The following APOL1 variants were observed in gnomAD, a reference collection of about 807,000 sequenced individuals.
The protein encoded by APOL1 is apolipoprotein L 1.
In APOL1, 17 loss-of-function variants were observed where a neutral mutation model predicts 14.9. The observed-to-expected ratio is 1.14, with a 90% confidence interval of 0.78 to 1.71. The LOEUF is 1.71. Among genes scored for constraint, APOL1 ranks in the 40% most tolerant of loss-of-function variants. The pLI, the probability that APOL1 is intolerant of heterozygous loss-of-function variation, is 0.00. For missense variants in APOL1, 523 were observed against 485.9 expected (o/e 1.08, Z -0.72); for synonymous variants, 195 against 184.8 (o/e 1.05, Z -0.45).
rs2016195378 is a variant in APOL1, at chr22:36,265,160, A to G, written c.324A>G (p.Ala108=). The G allele has an allele frequency of 1.1e-5, 18 of 1,614,104 alleles. No homozygotes were observed. Among genetic ancestry groups the G allele is most frequent in the Non-Finnish European group, 1.4e-5 (17 of 1,180,016 alleles). Residue 108 remains alanine, a synonymous_variant, in exon 6 of 6, where the codon GCA becomes GCG. Transcript: ENST00000397278. ...VAAAELPRNE[A]DELRKALDNL... ...ACCTTTCCTTGTGCAGGAATGAGGCAGATGAGCTCCGTAAAGCTCTGGACA... is the reference window on the plus strand; with the variant it reads ...ACCTTTCCTTGTGCAGGAATGAGGCGGATGAGCTCCGTAAAGCTCTGGACA...
rs760970273 is a variant in APOL1, at chr22:36,265,226, C to T, written c.390C>T (p.His130=). Residue 130 remains histidine, a synonymous_variant, in exon 6 of 6, where the codon CAC becomes CAT. Transcript: ENST00000397278. ...RQMIMKDKNW[H]DKGQQYRNWF... is the part of the protein sequence containing the mutation. ...TGATCATGAAAGACAAAAACTGGCA[C>T]GATAAAGGCCAGCAGTACAGAAACT... The T allele has an allele frequency of 2.3e-5, 37 of 1,614,012 alleles. No individual in the cohort carries two copies. Among genetic ancestry groups the T allele is most frequent in the Admixed American group, 1.5e-4 (9 of 60,004 alleles).
At chr22:36,253,868 G>A in intron 1 of APOL1, 1 of 1,470,920 alleles carries the variant, frequency 6.8e-7, no homozygotes. Context: ...GAAACAGGCT[G>A]TGCTGTGTCC....
chr22:36,261,256 C>G (rs968760782), intron 4 of APOL1, among the ~76,000 whole-genome samples: 1 of 152,230 alleles, frequency 6.6e-6, no homozygotes, highest in African/African-American at 2.4e-5. Context: ...CTTATGGAAG[C>G]TGCCTTTGCA....
chr22:36,254,110 G>A, intron 1 of APOL1: 4 of 1,111,322 alleles, frequency 3.6e-6, no homozygotes, highest in Non-Finnish European at 5.3e-6. Context: ...GAGTCACAAG[G>A]GCAGATGTTG....
At chr22:36,262,161 C>T (rs1399474856) in intron 5 of APOL1, among the ~76,000 whole-genome samples, 1 of 152,142 alleles carries the variant, frequency 6.6e-6, no homozygotes, top group Non-Finnish European at 1.5e-5. Context: ...AGATGGGAGC[C>T]CAGCAGGACT....
chr22:36,262,987 T>G (rs2016123596), intron 5 of APOL1, among the ~76,000 whole-genome samples: 1 of 152,224 alleles, frequency 6.6e-6, no homozygotes, highest in Non-Finnish European at 1.5e-5. Flanking sequence ...TTCAGGTCTT[T>G]TCAGCATTAG....
rs71193213 is a variant in APOL1, at chr22:36,257,696, CGGG to C, written c.187+300_187+302del. The C allele has an allele frequency of 7.2e-3, 1,537 of 212,330 alleles. 47 individuals are homozygous for C. Among genetic ancestry groups the C allele is most frequent in the African/African-American group, 0.065 (1,199 of 18,414 alleles). The allele number at this position is 212,330 out of a possible 1,614,324, so 13.2% of individuals were successfully genotyped here. A position where few individuals can be genotyped will look rare whatever the true frequency, so the allele number is the denominator to read the frequency against. Reference sequence around the variant, plus strand: ...GACATCCTTGGGGAAGTGGAATCAGCGGGGGGGGGGGGGAGTGTGGGGAGAGCA... The same window carrying C: ...GACATCCTTGGGGAAGTGGAATCAGCGGGGGGGGGGAGTGTGGGGAGAGCA... On this transcript the variant is annotated intron_variant, in intron 4 of 5. Coordinates refer to ENST00000397278, the MANE Select transcript of APOL1 (RefSeq NM_003661.4).
intron 4 of APOL1, among the ~76,000 whole-genome samples, chr22:36,259,367 GA>G (rs1419697110): frequency 6.6e-6 from 1 of 152,146 alleles, no homozygotes; most frequent in East Asian, 1.9e-4. Context: ...GAAGGAAAAA[GA>G]AAAAACAAGA....
chr22:36,260,968 CA>C (rs1344355642), intron 4 of APOL1, among the ~76,000 whole-genome samples: 2 of 152,166 alleles, frequency 1.3e-5, no homozygotes, highest in African/African-American at 4.8e-5. Flanking sequence ...GTGTTTGACC[CA>C]ACAGGCATGT....
intron 5 of APOL1, among the ~76,000 whole-genome samples, chr22:36,262,546 A>G (rs564266385): frequency 1.3e-5 from 2 of 152,236 alleles, no homozygotes; most frequent in Non-Finnish European, 2.9e-5. Context: ...GCCTGGAGTC[A>G]GGATGGAGCA....
chr22:36,265,500 G>A lies in APOL1; in HGVS notation c.664G>A (p.Gly222Arg), dbSNP rs749708519. ...GTTGGGAATCACAGCCGCTTTGACCGGGATTACCAGCAGTACCATGGACTA... is the reference window on the plus strand; with the variant it reads ...GTTGGGAATCACAGCCGCTTTGACCAGGATTACCAGCAGTACCATGGACTA... The part of the protein sequence containing the change: ...MELGITAALT[G>R]ITSSTMDYGK... The change falls in exon 6 of 6, where the codon GGG (glycine) becomes AGG (arginine). Residue 222 changes from glycine (G) to arginine (R), a missense_variant. Coordinates refer to ENST00000397278, the MANE Select transcript of APOL1 (RefSeq NM_003661.4). 1.9e-5 allele frequency: 30 copies of A among 1,613,898 alleles called. No individual in the cohort carries two copies. Among genetic ancestry groups the A allele is most frequent in the African/African-American group, 4.0e-5 (3 of 75,010 alleles).
intron 5 of APOL1, among the ~76,000 whole-genome samples, chr22:36,264,060 C>G (rs957595886): frequency 5.3e-5 from 8 of 152,144 alleles, no homozygotes; most frequent in East Asian, 3.8e-4. Context: ...CAGTGGGTGG[C>G]TGTGGAAGGC....
chr22:36,262,870 T>G (rs2016120345), intron 5 of APOL1, among the ~76,000 whole-genome samples: 1 of 152,236 alleles, frequency 6.6e-6, no homozygotes, highest in South Asian at 2.1e-4. Context: ...GTGACCATTT[T>G]CATAGTAGAA....
At chr22:36,264,526 T>A (rs1037049279) in intron 5 of APOL1, among the ~76,000 whole-genome samples, 1 of 152,102 alleles carries the variant, frequency 6.6e-6, no homozygotes, top group African/African-American at 2.4e-5. Flanking sequence ...GAGTTTTCCC[T>A]CTCCAAACAC....
In APOL1 at chr22:36,265,145, G is replaced by T. The variant is rs1176715370; in HGVS notation, c.315-6G>T. On this transcript the variant is annotated splice_region_variant and splice_polypyrimidine_tract_variant and intron_variant, in intron 5 of 5. Transcript: ENST00000397278. ...TTTCTTAATCCTTTAACCTTTCCTTGTGCAGGAATGAGGCAGATGAGCTCC... is the reference window on the plus strand; with the variant it reads ...TTTCTTAATCCTTTAACCTTTCCTTTTGCAGGAATGAGGCAGATGAGCTCC... 1.2e-6 allele frequency: 2 copies of T among 1,613,702 alleles called. No individual in the cohort carries two copies. Among genetic ancestry groups the T allele is most frequent in the Admixed American group, 1.7e-5 (1 of 59,924 alleles).
At chr22:36,263,908 C>T (rs2016150877) in intron 5 of APOL1, among the ~76,000 whole-genome samples, 2 of 152,134 alleles carry the variant, frequency 1.3e-5, no homozygotes, top group Admixed American at 6.5e-5. Context: ...TCACTAAAGG[C>T]AGGTCAGACA....
rs2016287316 is a variant in APOL1 at position 36,266,870 on chromosome 22, A to C, written c.*837A>C. 4.1e-6 allele frequency: 1 copy of C among 242,646 alleles called. No homozygotes were observed. The highest frequency in any genetic ancestry group is 2.3e-5 in the African/African-American group (1 of 43,716). The allele number at this position is 242,646 out of a possible 1,614,324, so 15.0% of individuals were successfully genotyped here. A position where few individuals can be genotyped will look rare whatever the true frequency, so the allele number is the denominator to read the frequency against. ...CAGTGAGCCGAGATATCGCCACTGC[A>C]CTCCAGCCTGGGTGACAGAGCGAGA... is the stretch of plus-strand genomic sequence containing the variant. On this transcript the variant is annotated 3_prime_UTR_variant, in exon 6 of 6. Coordinates refer to ENST00000397278, the MANE Select transcript of APOL1 (RefSeq NM_003661.4).
intron 3 of APOL1, 38 bp from the exon 4 acceptor site, chr22:36,257,281 T>G (rs1569533831): frequency 6.2e-7 from 1 of 1,610,438 alleles, no homozygotes; most frequent in Admixed American, 1.7e-5. Flanking sequence ...CACTGGTGGC[T>G]CACATTTGAT....
chr22:36,261,487 C>T lies in APOL1; in HGVS notation c.188-109C>T, dbSNP rs2016069004. On this transcript the variant is annotated intron_variant, in intron 4 of 5. Coordinates refer to ENST00000397278, the MANE Select transcript of APOL1 (RefSeq NM_003661.4). ...GCACTAATGACTCCATAAAACAAGT[C>T]CCACATCACAGCTGTCCAGGAAAAT... The T allele has an allele frequency of 4.9e-6, 6 of 1,235,718 alleles. No individual in the cohort carries two copies. The South Asian group carries it at 8.3e-5, about 17-fold the overall frequency. The allele number at this position is 1,235,718 out of a possible 1,614,324, so 76.5% of individuals were successfully genotyped here. A position where few individuals can be genotyped will look rare whatever the true frequency, so the allele number is the denominator to read the frequency against.
Sources: gnomAD v4.1 joint callset for allele counts (sites outside exome capture counted in the v4.1 genomes callset) on GRCh38, gnomAD v4.1.1 for gene constraint, MANE v1.5 for transcripts, NCBI Gene and HGNC (gene_info 2026-07-23, HGNC 2026-07-21) for gene names.